NAA35: variants seen among roughly 807,000 people sequenced by gnomAD.
NAA35 encodes the protein MAK10 homolog, amino-acid N-acetyltransferase subunit.
NAA35 carries 18 observed loss-of-function variants against 101.7 expected under a neutral mutation model. That is an observed-to-expected ratio of 0.18 (90% CI 0.12 to 0.26). The LOEUF is 0.26. Ranked by LOEUF, NAA35 falls within the 10% of genes least tolerant of loss-of-function variation. The pLI, the probability that NAA35 is intolerant of heterozygous loss-of-function variation, is 1.00. For missense variants in NAA35, 601 were observed against 886.8 expected (o/e 0.68, Z 4.09); for synonymous variants, 267 against 273.1 (o/e 0.98, Z 0.22).
intron 2 of NAA35, among the ~76,000 whole-genome samples, chr9:85,952,168 C>T (rs1015359243): frequency 6.7e-6 from 1 of 150,260 alleles, no homozygotes; most frequent in Non-Finnish European, 1.5e-5. Flanking sequence ...GTGACAGACT[C>T]ATGTATTTTT....
intron 11 of NAA35, chr9:85,986,728 G>A (rs897665237): frequency 3.6e-6 from 1 of 274,538 alleles, no homozygotes; most frequent in Non-Finnish European, 7.1e-6. Flanking sequence ...GGAATTACAG[G>A]TGCCTGTCAC....
chr9:85,981,861 G>C (rs1019207125), intron 11 of NAA35, among the ~76,000 whole-genome samples: 2 of 152,066 alleles, frequency 1.3e-5, no homozygotes, highest in African/African-American at 4.8e-5. Context: ...TAATAGTATA[G>C]ATTAGTTTTG....
intron 2 of NAA35, among the ~76,000 whole-genome samples, chr9:85,942,901 C>T (rs1828587633): frequency 6.6e-6 from 1 of 152,170 alleles, no homozygotes; most frequent in African/African-American, 2.4e-5. Context: ...TGTTAACCTC[C>T]CTGGTGAGGA....
intron 10 of NAA35, among the ~76,000 whole-genome samples, chr9:85,978,024 G>GAA (rs113621199): frequency 7.1e-6 from 1 of 139,986 alleles, no homozygotes; most frequent in Non-Finnish European, 1.6e-5. Flanking sequence ...TTTTTATTGT[G>GAA]AAAAAAAAAA....
intron 11 of NAA35, among the ~76,000 whole-genome samples, chr9:85,992,001 C>T (rs541110809): frequency 3.3e-5 from 5 of 151,954 alleles, no homozygotes; most frequent in South Asian, 2.1e-4. Context: ...GGTGAAACCC[C>T]GTCTCTACTA....
intron 11 of NAA35, among the ~76,000 whole-genome samples, chr9:85,980,172 T>A (rs1168791601): frequency 1.3e-5 from 2 of 152,170 alleles, no homozygotes; most frequent in Non-Finnish European, 2.9e-5. Flanking sequence ...TCTCGGAGCT[T>A]CCATGCCTTC....
chr9:86,021,976 T>G lies in NAA35; in HGVS notation c.*16T>G. The stretch of plus-strand genomic sequence containing the variant: ...ACTTGTTTGAGAGAGACTGGGGAGG[T>G]GGCCATAAAGGGGCAGAGTCTTCTT... On this transcript the variant is annotated 3_prime_UTR_variant, in exon 23 of 23. Coordinates refer to ENST00000361671, the MANE Select transcript of NAA35 (RefSeq NM_024635.4). The G allele has an allele frequency of 6.2e-7, 1 of 1,610,026 alleles. No homozygotes were observed. The highest frequency in any genetic ancestry group is 1.1e-5 in the South Asian group (1 of 90,722).
rs199674871 is a variant in NAA35 at position 86,010,172 on chromosome 9, CAGG to C, written c.1290+245_1290+247del. Among the ~76,000 whole-genome samples the C allele has an allele frequency of 5.5e-3, 842 of 152,182 alleles. 9 individuals are homozygous for C. The highest frequency in any genetic ancestry group is 0.01 in the Non-Finnish European group (683 of 68,012). On this transcript the variant is annotated intron_variant, in intron 15 of 22. Transcript: ENST00000361671. ...CTGAGGTGGGAAAATCGCTTGAACC[CAGG>C]AGGTTTCAGTGAACCAAGATCGTGC...
chr9:85,952,507 A>G (rs1004058312), intron 2 of NAA35, among the ~76,000 whole-genome samples: 2 of 149,576 alleles, frequency 1.3e-5, no homozygotes, highest in African/African-American at 2.5e-5. Flanking sequence ...CTGGTCTTGA[A>G]CTCCTGACCT....
At chr9:85,954,909 GTTGTT>G (rs557702042) in intron 2 of NAA35, among the ~76,000 whole-genome samples, 15 of 152,056 alleles carry the variant, frequency 9.9e-5, no homozygotes, top group South Asian at 4.1e-4. Flanking sequence ...GCTATGTTTT[GTTGTT>G]TTGTTTTGTT....
chr9:85,959,840 G>A lies in NAA35; in HGVS notation c.321G>A (p.Gly107=). The A allele has an allele frequency of 6.2e-7, 1 of 1,610,918 alleles. No individual in the cohort carries two copies. The highest frequency in any genetic ancestry group is 2.2e-5 in the East Asian group (1 of 44,612). The change falls in exon 5 of 23, where the codon GGG becomes GGA. Residue 107 remains glycine (G), a synonymous_variant. Transcript: ENST00000361671. ...IKDLTLPELI[G]IMDTCFCCLI... ...ATCTCACCTTGCCTGAACTGATAGG[G>A]ATTATGGATACATGTTTTTGCTGTT...
At chr9:85,950,926 C>CA (rs914804000) in intron 2 of NAA35, among the ~76,000 whole-genome samples, 3 of 152,038 alleles carry the variant, frequency 2.0e-5, no homozygotes, top group African/African-American at 7.2e-5. Flanking sequence ...TACTGGAGGT[C>CA]AGGAGTTCAA....
chr9:86,013,823 C>T lies in NAA35; in HGVS notation c.1494C>T (p.Arg498=), dbSNP rs751581333. 2.5e-6 allele frequency: 4 copies of T among 1,613,840 alleles called. No homozygotes were observed. Among genetic ancestry groups the T allele is most frequent in the Non-Finnish European group, 3.4e-6 (4 of 1,179,856 alleles). ...LGTWVLYHNL[R]IMIQYLLSGF... ...CCTGGGTCCTTTACCATAACCTTCG[C>T]ATTATGATACAGTACCTTCTAAGTG... Residue 498 remains arginine (R), a synonymous_variant, in exon 17 of 23, where the codon CGC becomes CGT. Transcript: ENST00000361671.
chr9:85,963,263 C>CTTTTTTTTTTTTTTTTT (rs527736196), intron 6 of NAA35, among the ~76,000 whole-genome samples: 3 of 72,296 alleles, frequency 4.1e-5, no homozygotes, highest in Non-Finnish European at 7.4e-5. Context: ...GAAGGTATGG[C>CTTTTTTTTTTTTTTTTT]TTTTTTTTTT....
chr9:85,996,942 CTT>C (rs896987513), intron 12 of NAA35, among the ~76,000 whole-genome samples: 7 of 144,700 alleles, frequency 4.8e-5, no homozygotes, highest in African/African-American at 1.8e-4. Flanking sequence ...AACTTAAACT[CTT>C]TTTTTTTTTT....
Position 86,013,721 on chromosome 9 carries a change from A to G in NAA35, c.1392A>G (p.Ala464=), listed in dbSNP as rs1339640925. 5 of 1,612,184 alleles carry G rather than the reference A, an allele frequency of 3.1e-6. No homozygotes were observed. The highest frequency in any genetic ancestry group is 4.2e-6 in the Non-Finnish European group (5 of 1,178,640). The change falls in exon 17 of 23, where the codon GCA becomes GCG. Residue 464 remains alanine (A), a splice_region_variant and synonymous_variant. Transcript: ENST00000361671. The part of the protein sequence containing the change: ...LEEFATLQDE[A]EKVDAALHTM... ...TTTATGACATTTTATTTTAATAGGC[A>G]GAGAAGGTTGATGCAGCGCTTCACA...
At chr9:85,955,360 A>ATTTT (rs61549690) in intron 2 of NAA35, among the ~76,000 whole-genome samples, 112 of 53,926 alleles carry the variant, frequency 2.1e-3, no homozygotes, top group South Asian at 3.8e-3. Flanking sequence ...ATATATATAT[A>ATTTT]TTTTTTTTTT....
intron 12 of NAA35, among the ~76,000 whole-genome samples, chr9:85,998,404 TATTAA>T (rs1831271925): frequency 6.6e-6 from 1 of 152,186 alleles, no homozygotes; most frequent in Admixed American, 6.5e-5. Flanking sequence ...TTAAATTTCA[TATTAA>T]ATTACATTTA....
intron 15 of NAA35, among the ~76,000 whole-genome samples, chr9:86,012,557 C>T (rs974602656): frequency 5.3e-5 from 8 of 152,172 alleles, no homozygotes; most frequent in Non-Finnish European, 4.4e-5. Context: ...ACTTACAAAT[C>T]CATGTCTCTT....
Sources: gnomAD v4.1 joint callset for allele counts (sites outside exome capture counted in the v4.1 genomes callset) on GRCh38, gnomAD v4.1.1 for gene constraint, MANE v1.5 for transcripts, NCBI Gene and HGNC (gene_info 2026-07-23, HGNC 2026-07-21) for gene names.